Variants in EYA4 observed in about 807,000 individuals in gnomAD.
EYA4 encodes EYA transcriptional coactivator and phosphatase 4.
Under a neutral mutation model 87.9 loss-of-function variants are expected in EYA4, and 31 were observed. The observed-to-expected ratio is 0.35, with a 90% CI of 0.27 to 0.48. The LOEUF (loss-of-function observed/expected upper bound fraction) is 0.48. Ranked by LOEUF, EYA4 falls within the 20% of genes least tolerant of loss-of-function variation. The pLI is 0.99. For synonymous variants in EYA4, 263 were observed against 270.6 expected, an observed-to-expected ratio of 0.97 and a Z score of 0.28; for missense variants, 678 against 761.4, an observed-to-expected ratio of 0.89 and a Z score of 1.29.
At chr6:133,362,069 G>C (rs931554648) in intron 2 of EYA4, among the ~76,000 whole-genome samples, 37 of 152,200 alleles carry the variant, frequency 2.4e-4, no homozygotes, top group African/African-American at 8.7e-4. Flanking sequence ...CAAGCAAATA[G>C]CTATAACCTT....
intron 1 of EYA4, among the ~76,000 whole-genome samples, chr6:133,268,810 G>A (rs1265697527): frequency 6.6e-6 from 1 of 151,600 alleles, no homozygotes; most frequent in Non-Finnish European, 1.5e-5. Flanking sequence ...AGGAGAAGAG[G>A]GAGAGTGGGA....
chr6:133,530,333 C>G lies in EYA4; in HGVS notation c.*1528C>G, dbSNP rs1436289354. 1 of 985,290 alleles carries G rather than the reference C, an allele frequency of 1.0e-6. No homozygotes were observed. Among genetic ancestry groups the G allele is most frequent in the Non-Finnish European group, 1.2e-6 (1 of 829,934 alleles). 61.0% of individuals were successfully genotyped at this position (985,290 alleles called of 1,614,324 possible). The stretch of plus-strand genomic sequence containing the variant: ...GAAGAGCCCATCATCGTTGTGTTTG[C>G]ATGGTTTTTTTCCTTGTGTGTAGCC... On this transcript the variant is annotated 3_prime_UTR_variant, in exon 20 of 20. Coordinates refer to ENST00000355286, the MANE Select transcript of EYA4 (RefSeq NM_004100.5).
At chr6:133,476,625 C>A (rs1289814766) in intron 11 of EYA4, among the ~76,000 whole-genome samples, 2 of 152,074 alleles carry the variant, frequency 1.3e-5, no homozygotes, top group Non-Finnish European at 2.9e-5. Flanking sequence ...TGTACATATA[C>A]CACATTTCCT....
intron 3 of EYA4, among the ~76,000 whole-genome samples, chr6:133,386,793 T>A (rs190883259): frequency 2.0e-4 from 31 of 152,282 alleles, no homozygotes; most frequent in African/African-American, 7.0e-4. Flanking sequence ...TAAGGAGATC[T>A]AAGGAGAATC....
rs769378068 is a variant in EYA4 at position 133,462,604 on chromosome 6, T to C, written c.581-17T>C. ...TCTTACTAATTAAATGGTTTACACATTCAATTTTCTGAACAGATTTGGGTG... is the reference window on the plus strand; with the variant it reads ...TCTTACTAATTAAATGGTTTACACACTCAATTTTCTGAACAGATTTGGGTG... On this transcript the variant is annotated splice_polypyrimidine_tract_variant and intron_variant, in intron 8 of 19. Transcript: ENST00000355286. 5 of 1,613,952 alleles carry C rather than the reference T, an allele frequency of 3.1e-6. No individual in the cohort carries two copies. The South Asian group carries it at 5.5e-5, about 18-fold the overall frequency.
At chr6:133,392,577 G>T (rs930852364) in intron 3 of EYA4, among the ~76,000 whole-genome samples, 2 of 152,136 alleles carry the variant, frequency 1.3e-5, no homozygotes, top group African/African-American at 4.8e-5. Flanking sequence ...GCAAATTGTG[G>T]TTATTTTGGG....
chr6:133,363,676 T>C (rs555786065), intron 2 of EYA4, among the ~76,000 whole-genome samples: 5 of 152,110 alleles, frequency 3.3e-5, no homozygotes, highest in South Asian at 2.1e-4. Flanking sequence ...AGGGTTTCAC[T>C]GTGTTAGCCA....
chr6:133,277,757 T>A (rs1327952425), intron 2 of EYA4, among the ~76,000 whole-genome samples: 1 of 152,220 alleles, frequency 6.6e-6, no homozygotes. Flanking sequence ...CCAGTATTAC[T>A]CATCTCAGTG....
chr6:133,299,882 T>C lies in EYA4; in HGVS notation c.33+25069T>C, dbSNP rs979666889. 7.3e-5 allele frequency among the ~76,000 whole-genome samples: 11 copies of C among 150,970 alleles called. 1 individual carries two copies. Among genetic ancestry groups the C allele is most frequent in the African/African-American group, 2.4e-4 (10 of 41,230 alleles). The stretch of plus-strand genomic sequence containing the variant: ...GATTGGGGTGCTAACTTTATATATA[T>C]ACACACACACTTATATACATATACA... On this transcript the variant is annotated intron_variant, in intron 2 of 19. Transcript: ENST00000355286.
chr6:133,499,430 TC>T (rs1044986580), intron 13 of EYA4, among the ~76,000 whole-genome samples: 4 of 152,132 alleles, frequency 2.6e-5, no homozygotes, highest in African/African-American at 2.4e-5. Context: ...CCACTGTAAT[TC>T]CCCCCTTGAA....
intron 3 of EYA4, among the ~76,000 whole-genome samples, chr6:133,424,081 T>C (rs1790443147): frequency 1.3e-5 from 2 of 152,184 alleles, no homozygotes; most frequent in African/African-American, 4.8e-5. Context: ...CTGCAGCTGG[T>C]TGTCCAGATG....
At chr6:133,479,489 A>G (rs1171335195) in intron 11 of EYA4, among the ~76,000 whole-genome samples, 2 of 152,192 alleles carry the variant, frequency 1.3e-5, no homozygotes, top group Non-Finnish European at 2.9e-5. Context: ...TGTAAAAATT[A>G]CTATTTCTCA....
At chr6:133,410,633 T>TTTTTTTTTTTTTTTTTTTTTTTTTTTG (rs1554252061) in intron 3 of EYA4, among the ~76,000 whole-genome samples, 1 of 148,718 alleles carries the variant, frequency 6.7e-6, no homozygotes, top group Non-Finnish European at 1.5e-5. Context: ...ACTAAGGTCT[T>TTTTTTTTTTTTTTTTTTTTTTTTTTTG]AATTCCTTCT....
rs1430647224 is a variant in EYA4, at chr6:133,482,909, T to C, written c.1108-123T>C. On this transcript the variant is annotated intron_variant, in intron 12 of 19. Transcript: ENST00000355286. ...CAAATTTGAAAAACAAAAAAATGAA[T>C]AGTATTATTTTCTATTAAATGATAT... The C allele has an allele frequency of 3.8e-6, 3 of 796,452 alleles. No homozygotes were observed. In the East Asian group the frequency reaches 8.4e-5, roughly 22 times the overall value. 49.3% of individuals were successfully genotyped at this position (796,452 alleles called of 1,614,324 possible).
chr6:133,416,886 G>A (rs1476701667), intron 3 of EYA4, among the ~76,000 whole-genome samples: 4 of 152,208 alleles, frequency 2.6e-5, no homozygotes, highest in African/African-American at 7.2e-5. Context: ...CTAGAAATGA[G>A]TGGAGTTGGC....
chr6:133,250,871 A>T (rs1774840383), intron 1 of EYA4, among the ~76,000 whole-genome samples: 1 of 152,140 alleles, frequency 6.6e-6, no homozygotes, highest in Non-Finnish European at 1.5e-5. Flanking sequence ...ATCAGTTGTT[A>T]TTACTATGAT....
At chr6:133,484,059 A>G (rs1290165278) in intron 13 of EYA4, among the ~76,000 whole-genome samples, 1 of 152,142 alleles carries the variant, frequency 6.6e-6, no homozygotes, top group Non-Finnish European at 1.5e-5. Context: ...TAACATCATT[A>G]TTACAAACCT....
At chr6:133,429,618 G>A (rs924569853) in intron 3 of EYA4, among the ~76,000 whole-genome samples, 2 of 152,114 alleles carry the variant, frequency 1.3e-5, no homozygotes, top group Non-Finnish European at 1.5e-5. Context: ...CTAGAGGGGG[G>A]AAATAATGAG....
At chr6:133,463,386 G>T (rs1465167583) in intron 9 of EYA4, among the ~76,000 whole-genome samples, 2 of 124,920 alleles carry the variant, frequency 1.6e-5, no homozygotes, top group East Asian at 4.6e-4. Flanking sequence ...CTGAGATGCA[G>T]TCTCGCTCTG....
Sources: allele counts gnomAD v4.1 joint callset (sites outside exome capture counted in the v4.1 genomes callset), GRCh38; gene constraint gnomAD v4.1.1; transcripts MANE v1.5; gene names NCBI Gene and HGNC (gene_info 2026-07-23, HGNC 2026-07-21).